SEPTIN6: variants seen among roughly 807,000 people sequenced by gnomAD.
SEPTIN6 encodes the protein septin 6.
SEPTIN6 carries 8 observed loss-of-function variants against 33.6 expected under a neutral mutation model. The observed-to-expected ratio is 0.24, with a 90% confidence interval of 0.14 to 0.43. SEPTIN6 has a LOEUF of 0.43. Ranked by LOEUF, SEPTIN6 falls within the 20% of genes least tolerant of loss-of-function variation. The pLI, the probability that SEPTIN6 is intolerant of heterozygous loss-of-function variation, is 1.00. For synonymous variants in SEPTIN6, 131 were observed against 140.0 expected (o/e 0.94, Z 0.45); for missense variants, 250 against 340.8 (o/e 0.73, Z 2.10).
chrX:119,632,577 G>A (rs187098460), intron 8 of SEPTIN6, among the ~76,000 whole-genome samples: 76 of 110,416 alleles, frequency 6.9e-4, no homozygotes, highest in African/African-American at 2.3e-3. Context: ...ACCCTTGAGA[G>A]TGTGACAGGT....
chrX:119,677,490 C>T (rs72607660), intron 1 of SEPTIN6, among the ~76,000 whole-genome samples: 14,702 of 111,526 alleles, frequency 0.13, 827 homozygotes, highest in South Asian at 0.25. Flanking sequence ...TTGGGTGGGG[C>T]TGCACCAAGC....
At chrX:119,672,329 T>C (rs989846606) in intron 2 of SEPTIN6, among the ~76,000 whole-genome samples, 1 of 111,450 alleles carries the variant, frequency 9.0e-6, no homozygotes, top group African/African-American at 3.3e-5. Flanking sequence ...AGTGGAAGCA[T>C]TTATAGCTGT....
chrX:119,625,314 TTTAGAG>T lies in SEPTIN6; in HGVS notation c.*41+15_*41+20del, dbSNP rs2147449945. ...GTTCTAGAAGCCACTGCCAGTTCTA[TTTAGAG>T]TTAATCAAGCTTACCAGGACCCTGG... On this transcript the variant is annotated intron_variant, in intron 10 of 10. Coordinates refer to ENST00000394610, the MANE Select transcript of SEPTIN6 (RefSeq NM_145799.4). 8.7e-7 allele frequency: 1 copy of T among 1,150,128 alleles called. No individual in the cohort carries two copies. Among genetic ancestry groups the T allele is most frequent in the South Asian group, 1.8e-5 (1 of 55,141 alleles). The allele number at this position is 1,150,128 out of a possible 1,213,427, so 94.8% of individuals were successfully genotyped here.
In SEPTIN6 at chrX:119,619,769, T is replaced by TTAAAAA; in HGVS notation, c.*323_*324insTTTTTA. ...GAGTAGCAGATGGGCCCCCTGACCA[T>TTAAAAA]GTCACACCTCTGGCAAAGATGTGGG... On this transcript the variant is annotated 3_prime_UTR_variant, in exon 11 of 11. Transcript: ENST00000394610. 1 of 1,017,563 alleles carries TTAAAAA rather than the reference T, an allele frequency of 9.8e-7. No individual in the cohort carries two copies. Among genetic ancestry groups the TTAAAAA allele is most frequent in the Non-Finnish European group, 1.3e-6 (1 of 799,641 alleles). The allele number at this position is 1,017,563 out of a possible 1,213,427, so 83.9% of individuals were successfully genotyped here.
intron 2 of SEPTIN6, among the ~76,000 whole-genome samples, chrX:119,666,328 C>T (rs754929634): frequency 2.0e-4 from 22 of 112,117 alleles, no homozygotes; most frequent in African/African-American, 7.1e-4. Context: ...CAAAAGCACA[C>T]ATCTGCAGGG....
intron 3 of SEPTIN6, among the ~76,000 whole-genome samples, chrX:119,660,118 AC>A (rs2054513730): frequency 8.9e-6 from 1 of 111,997 alleles, no homozygotes; most frequent in South Asian, 3.6e-4. Flanking sequence ...CAAGTGATCC[AC>A]CCACCTTGGC....
chrX:119,662,757 G>C (rs1357624174), intron 3 of SEPTIN6, among the ~76,000 whole-genome samples: 1 of 112,580 alleles, frequency 8.9e-6, no homozygotes, highest in Non-Finnish European at 1.9e-5. Flanking sequence ...TAGTTACAGA[G>C]CTTTGGAAGG....
At chrX:119,661,999 A>G (rs1346457874) in intron 3 of SEPTIN6, among the ~76,000 whole-genome samples, 2 of 111,609 alleles carry the variant, frequency 1.8e-5, no homozygotes, top group Non-Finnish European at 3.8e-5. Context: ...CGGCCTCCCA[A>G]AGTGCTGGGA....
At chrX:119,692,274 C>T (rs1285396643) in intron 1 of SEPTIN6, among the ~76,000 whole-genome samples, 1 of 108,736 alleles carries the variant, frequency 9.2e-6, no homozygotes, top group Admixed American at 9.9e-5. Flanking sequence ...CTCAGAGGCC[C>T]GCTCCAAAAC....
chrX:119,664,518 T>G (rs1032216386), intron 2 of SEPTIN6, among the ~76,000 whole-genome samples: 8 of 110,477 alleles, frequency 7.2e-5, no homozygotes, highest in African/African-American at 2.6e-4. Flanking sequence ...GAGGACTATT[T>G]TAAATTTTTT....
intron 1 of SEPTIN6, among the ~76,000 whole-genome samples, chrX:119,686,281 G>A (rs2055052728): frequency 9.0e-6 from 1 of 111,517 alleles, no homozygotes; most frequent in Non-Finnish European, 1.9e-5. Flanking sequence ...CAGAGCTGGG[G>A]GCCTCCAATG....
rs781374912 is a variant in SEPTIN6, at chrX:119,655,127, T to C, written c.342-2087A>G. On this transcript the variant is annotated intron_variant, in intron 3 of 10. Transcript: ENST00000394610. ...TTTAGCTCCCCCACACACCCCGAAATCTGTAGTGATACCCTGTGCCTGTCT... is the reference window on the plus strand; with the variant it reads ...TTTAGCTCCCCCACACACCCCGAAACCTGTAGTGATACCCTGTGCCTGTCT... 2.1e-3 allele frequency among the ~76,000 whole-genome samples: 236 copies of C among 109,983 alleles called. 3 individuals are homozygous for C. Among genetic ancestry groups the C allele is most frequent in the African/African-American group, 7.6e-3 (228 of 30,191 alleles).
At position 119,622,655 on chromosome X, in the gene SEPTIN6, G is replaced by A. The variant is rs2053788917; in HGVS notation, c.*42-2604C>T. ...CATTTTAGGAATGGCCACTAACAAT[G>A]ATTTACTTGGGGAAACCTGTAAGCA... On this transcript the variant is annotated intron_variant, in intron 10 of 10. Transcript: ENST00000394610. 1.8e-5 allele frequency among the ~76,000 whole-genome samples: 2 copies of A among 112,416 alleles called. 1 individual carries two copies. Among genetic ancestry groups the A allele is most frequent in the African/African-American group, 6.5e-5 (2 of 30,978 alleles).
intron 9 of SEPTIN6, among the ~76,000 whole-genome samples, chrX:119,627,090 T>A (rs1340481057): frequency 8.9e-6 from 1 of 112,064 alleles, no homozygotes; most frequent in East Asian, 2.8e-4. Context: ...ACCATGTTAT[T>A]CCTAAGTGAT....
intron 1 of SEPTIN6, among the ~76,000 whole-genome samples, chrX:119,681,563 G>A (rs749798665): frequency 9.5e-6 from 1 of 104,999 alleles, no homozygotes; most frequent in East Asian, 2.9e-4. Flanking sequence ...TTATAATGCT[G>A]AAAAAAAAAA....
At chrX:119,651,671 C>CAAAA (rs1043646753) in intron 4 of SEPTIN6, among the ~76,000 whole-genome samples, 1 of 109,885 alleles carries the variant, frequency 9.1e-6, no homozygotes, top group South Asian at 3.8e-4. Flanking sequence ...AAGTCCGTCT[C>CAAAA]AAAAATAAAT....
intron 9 of SEPTIN6, chrX:119,629,009 C>T (rs1161467463): frequency 1.2e-5 from 3 of 242,660 alleles, no homozygotes; most frequent in Admixed American, 6.2e-5. Flanking sequence ...CTCTCTCACT[C>T]TCCTTTGCTT....
At position 119,617,890 on chromosome X, in the gene SEPTIN6, T is replaced by C. The variant is rs904778614; in HGVS notation, c.*2203A>G. Reference sequence around the variant, plus strand: ...TCTCTCCAAGGCTGTGTGGGTCTAATACTTTTGAATTATTCAGAGCTTCTC... The same window carrying C: ...TCTCTCCAAGGCTGTGTGGGTCTAACACTTTTGAATTATTCAGAGCTTCTC... On this transcript the variant is annotated 3_prime_UTR_variant, in exon 11 of 11. Coordinates refer to ENST00000394610, the MANE Select transcript of SEPTIN6 (RefSeq NM_145799.4). 1.2e-6 allele frequency: 1 copy of C among 802,393 alleles called. No homozygotes were observed. Among genetic ancestry groups the C allele is most frequent in the Non-Finnish European group, 1.5e-6 (1 of 668,151 alleles). 66.1% of individuals were successfully genotyped at this position (802,393 alleles called of 1,213,427 possible). A position where few individuals can be genotyped will look rare whatever the true frequency, so the allele number is the denominator to read the frequency against.
intron 5 of SEPTIN6, chrX:119,646,777 G>T: frequency 3.2e-6 from 1 of 310,444 alleles, no homozygotes; most frequent in South Asian, 3.2e-5. Context: ...AGGCTGTGGG[G>T]CTGGAGTCAA....
Sources: allele counts gnomAD v4.1 joint callset (sites outside exome capture counted in the v4.1 genomes callset), GRCh38; gene constraint gnomAD v4.1.1; transcripts MANE v1.5; gene names NCBI Gene and HGNC (gene_info 2026-07-23, HGNC 2026-07-21).